The following ST8SIA6 variants were observed in gnomAD, a reference collection of about 807,000 sequenced individuals.
ST8SIA6 encodes alpha-2,8-sialyltransferase 8F.
In ST8SIA6, 39 loss-of-function variants were observed where a neutral mutation model predicts 33.6. That is an observed-to-expected ratio of 1.16 (90% CI 0.90 to 1.52). ST8SIA6 has a LOEUF of 1.52. Ranked by LOEUF, ST8SIA6 falls within the 40% of genes most tolerant of loss-of-function variation. The pLI, the probability that ST8SIA6 is intolerant of heterozygous loss-of-function variation, is 0.00. For missense variants in ST8SIA6, 441 were observed against 443.8 expected, an observed-to-expected ratio of 0.99 and a Z score of 0.06; for synonymous variants, 172 against 167.2, an observed-to-expected ratio of 1.03 and a Z score of -0.22.
At chr10:17,334,016 T>C (rs1848421327) in intron 4 of ST8SIA6, among the ~76,000 whole-genome samples, 1 of 149,032 alleles carries the variant, frequency 6.7e-6, no homozygotes, top group Non-Finnish European at 1.5e-5. Flanking sequence ...CCACTGCACC[T>C]GGTTTTTTTT....
chr10:17,451,339 G>A (rs1332851019), intron 2 of ST8SIA6, among the ~76,000 whole-genome samples: 1 of 152,118 alleles, frequency 6.6e-6, no homozygotes, highest in Non-Finnish European at 1.5e-5. Flanking sequence ...AATACCACAT[G>A]TTCTCATAAA....
At chr10:17,442,034 AATTTTTGT>A (rs1053864743) in intron 2 of ST8SIA6, among the ~76,000 whole-genome samples, 2 of 151,970 alleles carry the variant, frequency 1.3e-5, no homozygotes, top group African/African-American at 4.8e-5. Flanking sequence ...ACGCCTGGCT[AATTTTTGT>A]ATTTTTAGTA....
chr10:17,440,178 G>C (rs61844070), intron 2 of ST8SIA6, among the ~76,000 whole-genome samples: 1 of 150,802 alleles, frequency 6.6e-6, no homozygotes, highest in African/African-American at 2.5e-5. Flanking sequence ...TTTTGTAATA[G>C]TTTCTCAACT....
At chr10:17,362,764 T>C (rs1264501552) in intron 3 of ST8SIA6, among the ~76,000 whole-genome samples, 2 of 152,112 alleles carry the variant, frequency 1.3e-5, no homozygotes, top group East Asian at 3.8e-4. Flanking sequence ...CAGGCTGGAG[T>C]GCAGTGGTGG....
rs1228599045 is a variant in ST8SIA6 at position 17,454,540 on chromosome 10, C to G, written c.-285G>C. Among the ~76,000 whole-genome samples, 2 of 151,968 alleles carry G rather than the reference C, an allele frequency of 1.3e-5. No homozygotes were observed. The highest frequency in any genetic ancestry group is 2.9e-5 in the Non-Finnish European group (2 of 67,912). ...ACGATTCGCCGAGCTCGCCGCCTGTCCTCCCGGAGGCGCTCGGAGCTGCTG... is the reference window on the plus strand; with the variant it reads ...ACGATTCGCCGAGCTCGCCGCCTGTGCTCCCGGAGGCGCTCGGAGCTGCTG... On this transcript the variant is annotated 5_prime_UTR_variant, in exon 1 of 8. Transcript: ENST00000377602. The surrounding 1 kb of genome is among the most constrained non-coding windows in gnomAD (Gnocchi z 4.1).
intron 2 of ST8SIA6, among the ~76,000 whole-genome samples, chr10:17,425,439 C>G (rs1005279334): frequency 5.3e-5 from 8 of 151,886 alleles, no homozygotes; most frequent in Non-Finnish European, 8.8e-5. Context: ...CATGGTGGTG[C>G]GCCTGTAATC....
At chr10:17,397,050 T>C (rs558165628) in intron 2 of ST8SIA6, among the ~76,000 whole-genome samples, 1 of 152,244 alleles carries the variant, frequency 6.6e-6, no homozygotes, top group African/African-American at 2.4e-5. Context: ...GAGTCTTCTT[T>C]TTCTGATGTG....
intron 3 of ST8SIA6, among the ~76,000 whole-genome samples, chr10:17,388,477 C>T (rs938804366): frequency 6.6e-6 from 1 of 152,124 alleles, no homozygotes; most frequent in Non-Finnish European, 1.5e-5. Context: ...GCTGTATAAA[C>T]ACTATTTCTA....
chr10:17,319,573 T>G lies in ST8SIA6; in HGVS notation c.*1305A>C, dbSNP rs1301283810. 6.6e-6 allele frequency among the ~76,000 whole-genome samples: 1 copy of G among 152,214 alleles called. No individual in the cohort carries two copies. Among genetic ancestry groups the G allele is most frequent in the Non-Finnish European group, 1.5e-5 (1 of 68,030 alleles). ...TGGAACATGGGTATCACTATGCTGT[T>G]TGATCTCACACCATTTGGAATATTT... On this transcript the variant is annotated 3_prime_UTR_variant, in exon 8 of 8. Transcript: ENST00000377602.
chr10:17,435,327 A>T (rs942513077), intron 2 of ST8SIA6, among the ~76,000 whole-genome samples: 6 of 151,876 alleles, frequency 4.0e-5, no homozygotes, highest in Non-Finnish European at 1.5e-5. Flanking sequence ...CTTTATCTCC[A>T]TTTCCTATGA....
rs748462658 is a variant in ST8SIA6, at chr10:17,320,960, A to T, written c.1115T>A (p.Met372Lys). Residue 372 changes from methionine to lysine, a missense_variant, in exon 8 of 8, where the codon ATG (methionine) becomes AAG (lysine). Coordinates refer to ENST00000377602, the MANE Select transcript of ST8SIA6 (RefSeq NM_001004470.3). ...GAGGATCTGGCTGTATTCTTTGGGCATCTGATGGAAACCATGTTTAGGTAG... is the reference window on the plus strand; with the variant it reads ...GAGGATCTGGCTGTATTCTTTGGGCTTCTGATGGAAACCATGTTTAGGTAG... ...NKLPKHGFHQ[M>K]PKEYSQILQL... 1.2e-6 allele frequency: 2 copies of T among 1,613,986 alleles called. No individual in the cohort carries two copies. The highest frequency in any genetic ancestry group is 2.7e-5 in the African/African-American group (2 of 74,920).
intron 5 of ST8SIA6, among the ~76,000 whole-genome samples, chr10:17,330,548 A>C (rs2131584001): frequency 6.6e-6 from 1 of 152,242 alleles, no homozygotes; most frequent in African/African-American, 2.4e-5. Context: ...TCCTAATATA[A>C]AAAAAATTGG....
intron 4 of ST8SIA6, among the ~76,000 whole-genome samples, chr10:17,334,770 T>C (rs1048167594): frequency 6.6e-6 from 1 of 152,078 alleles, no homozygotes; most frequent in Non-Finnish European, 1.5e-5. Context: ...ATGATTACCA[T>C]GGAGTGAAAC....
At position 17,394,204 on chromosome 10, in the gene ST8SIA6, C is replaced by T. The variant is rs139233559; in HGVS notation, c.201-3584G>A. On this transcript the variant is annotated intron_variant, in intron 2 of 7. Coordinates refer to ENST00000377602, the MANE Select transcript of ST8SIA6 (RefSeq NM_001004470.3). Reference sequence around the variant, plus strand: ...GCGCAAACTAAAATCACAGAAGATACGTGGAAACAAATGAGAGGATCTGGG... The same window carrying T: ...GCGCAAACTAAAATCACAGAAGATATGTGGAAACAAATGAGAGGATCTGGG... Among the ~76,000 whole-genome samples the T allele has an allele frequency of 1.3e-4, 19 of 151,842 alleles. 1 individual carries two copies. In the East Asian group the frequency reaches 3.7e-3, roughly 29 times the overall value.
intron 2 of ST8SIA6, among the ~76,000 whole-genome samples, chr10:17,398,321 C>A (rs1850899492): frequency 1.3e-5 from 2 of 150,246 alleles, no homozygotes; most frequent in Non-Finnish European, 3.0e-5. Flanking sequence ...AGCAAGACTC[C>A]ATCTTAAGGA....
intron 2 of ST8SIA6, among the ~76,000 whole-genome samples, chr10:17,431,148 T>A (rs1004687225): frequency 1.3e-5 from 2 of 152,186 alleles, no homozygotes; most frequent in Non-Finnish European, 2.9e-5. Flanking sequence ...CGTCCTTTTT[T>A]CTCTTCTCAA....
rs1024080996 is a variant in ST8SIA6 at position 17,320,630 on chromosome 10, C to G, written c.*248G>C. The G allele has an allele frequency of 1.4e-5, 7 of 486,272 alleles. No individual in the cohort carries two copies. The Admixed American group carries it at 1.8e-4, about 12-fold the overall frequency. 30.1% of individuals were successfully genotyped at this position (486,272 alleles called of 1,614,324 possible). On this transcript the variant is annotated 3_prime_UTR_variant, in exon 8 of 8. Coordinates refer to ENST00000377602, the MANE Select transcript of ST8SIA6 (RefSeq NM_001004470.3). ...CCCTACCTCACACCAAAGGCCATGC[C>G]AATAATTTTCATAAATTATAAAAAT...
At chr10:17,414,554 A>G (rs2131699121) in intron 2 of ST8SIA6, among the ~76,000 whole-genome samples, 1 of 152,362 alleles carries the variant, frequency 6.6e-6, no homozygotes, top group South Asian at 2.1e-4. Context: ...CTTAAACAAC[A>G]GAAATTTTTC....
chr10:17,345,777 A>G (rs1269897530), intron 4 of ST8SIA6, among the ~76,000 whole-genome samples: 1 of 152,126 alleles, frequency 6.6e-6, no homozygotes, highest in African/African-American at 2.4e-5. Flanking sequence ...GCATTTTAGG[A>G]TGTGCACCCT....
Sources: allele counts gnomAD v4.1 joint callset (sites outside exome capture counted in the v4.1 genomes callset), GRCh38; gene constraint gnomAD v4.1.1; non-coding constraint Gnocchi (gnomAD v3.1); transcripts MANE v1.5; gene names NCBI Gene and HGNC (gene_info 2026-07-23, HGNC 2026-07-21).